ARMC2: variants seen among roughly 807,000 people sequenced by gnomAD.
ARMC2 encodes the protein armadillo repeat-containing protein 2.
ARMC2 carries 67 observed loss-of-function variants against 90.3 expected under a neutral mutation model. That is an observed-to-expected ratio of 0.74 (90% CI 0.61 to 0.91). The LOEUF (loss-of-function observed/expected upper bound fraction) is 0.91. Ranked by LOEUF, ARMC2 falls within the 40% of genes least tolerant of loss-of-function variation. The probability of loss-of-function intolerance (pLI) is 0.00; values close to 1 mark genes in which losing one functional copy is unlikely to be tolerated. For missense variants in ARMC2, 920 were observed against 1,030.9 expected, an observed-to-expected ratio of 0.89 and a Z score of 1.47; for synonymous variants, 393 against 393.0, an observed-to-expected ratio of 1.00 and a Z score of 0.00.
At chr6:108,967,374 G>A (rs1778444684) in intron 17 of ARMC2, among the ~76,000 whole-genome samples, 1 of 152,204 alleles carries the variant, frequency 6.6e-6, no homozygotes, top group South Asian at 2.1e-4. Flanking sequence ...AACAAGGATG[G>A]TGGGGCTGCG....
chr6:108,978,687 A>G (rs1361673803), downstream of ARMC2, among the ~76,000 whole-genome samples: 1 of 151,932 alleles, frequency 6.6e-6, no homozygotes, highest in Non-Finnish European at 1.5e-5. Context: ...TCCTGTATTG[A>G]TGCGTACATA....
chr6:108,855,442 G>A (rs760039293), intron 2 of ARMC2, among the ~76,000 whole-genome samples: 2 of 151,836 alleles, frequency 1.3e-5, no homozygotes, highest in Non-Finnish European at 2.9e-5. Context: ...TAGTAGAGAC[G>A]GGGTTTCACC....
intron 12 of ARMC2, among the ~76,000 whole-genome samples, chr6:108,941,111 TA>T (rs1776401751): frequency 6.6e-6 from 1 of 152,134 alleles, no homozygotes; most frequent in Non-Finnish European, 1.5e-5. Context: ...GACAGACAGA[TA>T]TTTTAGACTA....
intron 12 of ARMC2, among the ~76,000 whole-genome samples, chr6:108,946,301 CAGAT>C (rs1232568302): frequency 2.0e-5 from 3 of 152,182 alleles, no homozygotes; most frequent in Non-Finnish European, 4.4e-5. Flanking sequence ...GCTGATAGAA[CAGAT>C]AGATGGATGG....
chr6:108,978,939 A>G (rs1779036693), downstream of ARMC2, among the ~76,000 whole-genome samples: 1 of 151,496 alleles, frequency 6.6e-6, no homozygotes. Flanking sequence ...ATGGGTCTTG[A>G]CTCTATATCC....
chr6:108,991,699 C>T, the ARMC2 span, among the ~76,000 whole-genome samples: 2 of 152,160 alleles, frequency 1.3e-5, no homozygotes, highest in African/African-American at 4.8e-5. Flanking sequence ...CTTAATAAGC[C>T]CCTACTTCTT....
Position 108,907,724 on chromosome 6 carries a change from T to C in ARMC2, c.1024-3175T>C, listed in dbSNP as rs552317154. ...CCCCGAGATGCTCCCCTTCTTCACA[T>C]TGATGTACTTGTAGTACCAGTAGTA... is the stretch of plus-strand genomic sequence containing the variant. On this transcript the variant is annotated intron_variant, in intron 8 of 17. Transcript: ENST00000392644. 2.5e-4 allele frequency: 408 copies of C among 1,609,950 alleles called. 2 individuals carry two copies. In the South Asian group the frequency reaches 3.9e-3, roughly 15 times the overall value.
intron 10 of ARMC2, among the ~76,000 whole-genome samples, chr6:108,920,944 C>A (rs187531851): frequency 6.6e-6 from 1 of 152,202 alleles, no homozygotes; most frequent in East Asian, 1.9e-4. Flanking sequence ...TGCTAAAAGA[C>A]AGATCAAGGG....
rs1445455424 is a variant in ARMC2 at position 108,900,926 on chromosome 6, A to G, written c.847+1134A>G. ...ATGTTCACCCTCATCTTAGCGTGCC[A>G]CGTTAGCTTTGGGCCCTTTATTTCA... On this transcript the variant is annotated intron_variant, in intron 7 of 17. Coordinates refer to ENST00000392644, the MANE Select transcript of ARMC2 (RefSeq NM_032131.6). Among the ~76,000 whole-genome samples the G allele has an allele frequency of 2.0e-5, 3 of 151,914 alleles. No individual in the cohort carries two copies. In the East Asian group the frequency reaches 5.8e-4, roughly 29 times the overall value.
chr6:108,961,527 C>A, intron 13 of ARMC2, 45 bp from the exon 14 acceptor site: 1 of 1,546,460 alleles, frequency 6.5e-7, no homozygotes, highest in Non-Finnish European at 8.7e-7. Context: ...GTTGGTTCTA[C>A]TCCTGCAGTG....
intron 15 of ARMC2, among the ~76,000 whole-genome samples, chr6:108,962,855 T>C (rs1179600481): frequency 6.6e-6 from 1 of 152,012 alleles, no homozygotes; most frequent in African/African-American, 2.4e-5. Flanking sequence ...AATTTAAAAT[T>C]AGCCAGACGT....
At chr6:108,876,464 T>G in intron 5 of ARMC2, 114 bp downstream of exon 5, 1 of 1,051,648 alleles carries the variant, frequency 9.5e-7, no homozygotes. Flanking sequence ...TAAGCAAATT[T>G]TATGTTAAGG....
chr6:108,882,941 A>AT (rs557695411), intron 5 of ARMC2, among the ~76,000 whole-genome samples: 1 of 152,244 alleles, frequency 6.6e-6, no homozygotes, highest in South Asian at 2.1e-4. Context: ...TGAAGCTCAA[A>AT]TGGACACATG....
Position 108,938,991 on chromosome 6 carries a change from T to C in ARMC2, c.1596+1992T>C, listed in dbSNP as rs952119410. Among the ~76,000 whole-genome samples the C allele has an allele frequency of 6.6e-5, 10 of 152,194 alleles. No homozygotes were observed. The South Asian group carries it at 2.1e-3, about 32-fold the overall frequency. ...CTAAATGTCCTAAAGTTTTTTTTTG[T>C]TTTTTAAAATAAAGATGAGGTCTCA... On this transcript the variant is annotated intron_variant, in intron 12 of 17. Coordinates refer to ENST00000392644, the MANE Select transcript of ARMC2 (RefSeq NM_032131.6).
chr6:108,899,009 G>T (rs1771874478), intron 6 of ARMC2, among the ~76,000 whole-genome samples: 1 of 152,158 alleles, frequency 6.6e-6, no homozygotes, highest in Non-Finnish European at 1.5e-5. Context: ...TAAAGGCTTG[G>T]CACTGAGCTC....
chr6:108,940,194 A>G (rs1776320823), intron 12 of ARMC2, among the ~76,000 whole-genome samples: 1 of 152,180 alleles, frequency 6.6e-6, no homozygotes, highest in Non-Finnish European at 1.5e-5. Context: ...TGAACCTGGG[A>G]GGCAGAGGCT....
At chr6:108,921,470 A>T (rs187619286) in intron 10 of ARMC2, among the ~76,000 whole-genome samples, 2 of 151,696 alleles carry the variant, frequency 1.3e-5, no homozygotes, top group Non-Finnish European at 2.9e-5. Flanking sequence ...TATTACCTTC[A>T]TATGCATATA....
chr6:108,849,520 A>T (rs1469138448), intron 1 of ARMC2, among the ~76,000 whole-genome samples: 4 of 152,230 alleles, frequency 2.6e-5, no homozygotes, highest in Admixed American at 2.0e-4. Context: ...CCTAGAACTT[A>T]AAGTATAATA....
the ARMC2 span, among the ~76,000 whole-genome samples, chr6:109,005,832 A>C: frequency 1.3e-5 from 2 of 152,216 alleles, no homozygotes; most frequent in African/African-American, 2.4e-5. Context: ...GAATTTTACA[A>C]ATTATACAAA....
Sources: allele counts gnomAD v4.1 joint callset (sites outside exome capture counted in the v4.1 genomes callset), GRCh38; gene constraint gnomAD v4.1.1; transcripts MANE v1.5; gene names NCBI Gene and HGNC (gene_info 2026-07-23, HGNC 2026-07-21).